CHODL: variants seen among roughly 807,000 people sequenced by gnomAD.
CHODL encodes transmembrane protein MT75.
A neutral mutation model predicts 34.5 loss-of-function variants in CHODL; 29 were observed. That is an observed-to-expected ratio of 0.84 (90% CI 0.63 to 1.15). CHODL has a LOEUF of 1.15. Ranked by LOEUF, CHODL falls within the 50% of genes most tolerant of loss-of-function variation. CHODL has a pLI of 0.00. For synonymous variants in CHODL, 125 were observed against 116.1 expected (o/e 1.08, Z -0.49); for missense variants, 332 against 332.5 (o/e 1.00, Z 0.01).
At chr21:17,932,126 C>T (rs1253920525) in intron 1 of CHODL, among the ~76,000 whole-genome samples, 1 of 151,928 alleles carries the variant, frequency 6.6e-6, no homozygotes, top group Non-Finnish European at 1.5e-5. Flanking sequence ...TGACAAACAA[C>T]CATATTAAAA....
intron 1 of CHODL, among the ~76,000 whole-genome samples, chr21:17,990,724 C>T (rs770459145): frequency 7.2e-5 from 11 of 151,884 alleles, no homozygotes; most frequent in Non-Finnish European, 7.4e-5. Context: ...TTATAGGATA[C>T]ATGTAATATT....
intron 2 of CHODL, among the ~76,000 whole-genome samples, chr21:18,082,725 CT>C (rs1197097536): frequency 1.3e-5 from 2 of 152,042 alleles, no homozygotes; most frequent in Non-Finnish European, 2.9e-5. Context: ...GAACTTTGAA[CT>C]TGAGAGAGAG....
Position 17,992,607 on chromosome 21 carries a change from T to A in CHODL, c.-144-35265T>A, listed in dbSNP as rs932315334. On this transcript the variant is annotated intron_variant, in intron 1 of 6. Transcript: ENST00000400127. The stretch of plus-strand genomic sequence containing the variant: ...GGATTGCTTTCTTGATGTCTTTTTT[T>A]AGATAGTTTGCTATTGGTGTATAGA... 2.0e-5 allele frequency among the ~76,000 whole-genome samples: 3 copies of A among 152,094 alleles called. 1 individual carries two copies. In the South Asian group the frequency reaches 6.2e-4, roughly 31 times the overall value.
intron 2 of CHODL, among the ~76,000 whole-genome samples, chr21:18,053,097 A>G (rs2064536137): frequency 6.6e-6 from 1 of 151,960 alleles, no homozygotes; most frequent in Non-Finnish European, 1.5e-5. Flanking sequence ...TCTATGTGAC[A>G]TAGAAACTAT....
At chr21:18,106,774 C>T (rs1224487578) in intron 2 of CHODL, among the ~76,000 whole-genome samples, 2 of 152,140 alleles carry the variant, frequency 1.3e-5, no homozygotes, top group East Asian at 1.9e-4. Flanking sequence ...GGATTACAGG[C>T]GTGAGCCACC....
chr21:18,265,150 C>T (rs910642114), intron 5 of CHODL, among the ~76,000 whole-genome samples: 16 of 149,810 alleles, frequency 1.1e-4, no homozygotes, highest in Admixed American at 9.3e-4. Flanking sequence ...TCAATCAATG[C>T]GTGGATAAAG....
chr21:18,104,502 C>T (rs910299118), intron 2 of CHODL, among the ~76,000 whole-genome samples: 1 of 152,152 alleles, frequency 6.6e-6, no homozygotes, highest in African/African-American at 2.4e-5. Context: ...TTCCCAGTCT[C>T]AGGCACTTCT....
At chr21:18,063,905 C>G (rs2064699264) in intron 2 of CHODL, among the ~76,000 whole-genome samples, 1 of 152,124 alleles carries the variant, frequency 6.6e-6, no homozygotes, top group African/African-American at 2.4e-5. Context: ...TACTTTCTGC[C>G]TGCTTTCTAC....
At chr21:18,043,233 G>A (rs1042932999) in intron 2 of CHODL, among the ~76,000 whole-genome samples, 2 of 151,950 alleles carry the variant, frequency 1.3e-5, no homozygotes, top group African/African-American at 2.4e-5. Flanking sequence ...CTGTGCAGTC[G>A]CACTGGGCCA....
intron 2 of CHODL, among the ~76,000 whole-genome samples, chr21:18,211,090 CT>C (rs1303359908): frequency 2.0e-5 from 3 of 151,610 alleles, no homozygotes; most frequent in African/African-American, 4.9e-5. Context: ...ACACCTGCCT[CT>C]TTTCCTTTAA....
intron 2 of CHODL, among the ~76,000 whole-genome samples, chr21:18,084,455 T>C (rs2064978977): frequency 2.0e-5 from 3 of 152,198 alleles, no homozygotes; most frequent in Admixed American, 2.0e-4. Flanking sequence ...CAGGTGTTGG[T>C]ATATTGTGTT....
chr21:18,096,511 G>A (rs963452306), intron 2 of CHODL, among the ~76,000 whole-genome samples: 1 of 152,110 alleles, frequency 6.6e-6, no homozygotes, highest in South Asian at 2.1e-4. Context: ...TCTATAAATG[G>A]CCACTCTGGG....
At chr21:18,118,504 T>C (rs1461930095) in intron 2 of CHODL, among the ~76,000 whole-genome samples, 1 of 152,206 alleles carries the variant, frequency 6.6e-6, no homozygotes, top group African/African-American at 2.4e-5. Flanking sequence ...TATCATCTAA[T>C]CATAAATCAC....
chr21:17,992,788 G>A (rs893459294), intron 1 of CHODL, among the ~76,000 whole-genome samples: 3 of 135,120 alleles, frequency 2.2e-5, no homozygotes, highest in Admixed American at 8.1e-5. Context: ...CCGAGTAGCC[G>A]GGATTACAGG....
At chr21:18,203,478 A>G (rs971406675) in intron 2 of CHODL, among the ~76,000 whole-genome samples, 3 of 152,136 alleles carry the variant, frequency 2.0e-5, no homozygotes, top group African/African-American at 7.2e-5. Context: ...TTATTAATTT[A>G]TAATTTTAAG....
chr21:18,189,959 A>G (rs1284473809), intron 2 of CHODL, among the ~76,000 whole-genome samples: 1 of 152,146 alleles, frequency 6.6e-6, no homozygotes, highest in African/African-American at 2.4e-5. Context: ...TTAAAGTGCA[A>G]TAGAAAATAA....
At chr21:18,117,707 TAAAA>T (rs1349757851) in intron 2 of CHODL, among the ~76,000 whole-genome samples, 2 of 144,664 alleles carry the variant, frequency 1.4e-5, no homozygotes, top group African/African-American at 2.5e-5. Context: ...ATAAATAAGA[TAAAA>T]TAAATAAATA....
chr21:18,006,318 T>C (rs753038725), intron 1 of CHODL, among the ~76,000 whole-genome samples: 22 of 150,580 alleles, frequency 1.5e-4, no homozygotes, highest in Non-Finnish European at 3.1e-4. Flanking sequence ...CACGTACCTA[T>C]GTAAGAAACC....
chr21:18,132,675 G>T (rs2146596377), intron 2 of CHODL, among the ~76,000 whole-genome samples: 1 of 152,216 alleles, frequency 6.6e-6, no homozygotes, highest in East Asian at 1.9e-4. Context: ...TGAATTATAA[G>T]TTGAATTCCA....
Sources: gnomAD v4.1 joint callset for allele counts (sites outside exome capture counted in the v4.1 genomes callset) on GRCh38, gnomAD v4.1.1 for gene constraint, MANE v1.5 for transcripts, NCBI Gene and HGNC (gene_info 2026-07-23, HGNC 2026-07-21) for gene names.